VTI1A: variants seen among roughly 807,000 people sequenced by gnomAD.
VTI1A encodes vesicle transport through interaction with t-SNAREs 1A, also known as vesicle transport through interaction with t-SNAREs homolog 1A.
Under a neutral mutation model 34.9 loss-of-function variants are expected in VTI1A, and 22 were observed. The ratio of observed to expected loss-of-function variants is 0.63; its 90% CI spans 0.45 to 0.90. The LOEUF is 0.90. Ranked by LOEUF, VTI1A falls within the 40% of genes least tolerant of loss-of-function variation. The pLI, the probability that VTI1A is intolerant of heterozygous loss-of-function variation, is 0.00. For synonymous variants in VTI1A, 87 were observed against 97.3 expected (o/e 0.89, Z 0.62); for missense variants, 268 against 275.6 (o/e 0.97, Z 0.20).
At chr10:112,475,074 A>T (rs1269601709) in intron 3 of VTI1A, among the ~76,000 whole-genome samples, 1 of 152,192 alleles carries the variant, frequency 6.6e-6, no homozygotes, top group Non-Finnish European at 1.5e-5. Context: ...CCTTCTCATC[A>T]TGTACACTTG....
At chr10:112,547,996 T>A (rs1313045536) in intron 5 of VTI1A, among the ~76,000 whole-genome samples, 1 of 152,222 alleles carries the variant, frequency 6.6e-6, no homozygotes, top group Non-Finnish European at 1.5e-5. Context: ...AGCTAAAATG[T>A]GCTTCATGTT....
At chr10:112,746,009 C>T (rs1361828181) in intron 7 of VTI1A, among the ~76,000 whole-genome samples, 3 of 152,184 alleles carry the variant, frequency 2.0e-5, no homozygotes, top group Non-Finnish European at 4.4e-5. Flanking sequence ...CCTTCCCTAT[C>T]CCACCTTAGT....
chr10:112,846,889 A>T, the VTI1A span, among the ~76,000 whole-genome samples: 6 of 152,244 alleles, frequency 3.9e-5, no homozygotes, highest in African/African-American at 1.4e-4. Context: ...AGAAAGTCTA[A>T]CTTGGAAGAG....
At chr10:112,669,396 C>T (rs575180368) in intron 7 of VTI1A, among the ~76,000 whole-genome samples, 1 of 152,050 alleles carries the variant, frequency 6.6e-6, no homozygotes, top group African/African-American at 2.4e-5. Context: ...CTCTCTGTTG[C>T]CTTGTTTTCA....
At chr10:112,676,055 T>C (rs1848015204) in intron 7 of VTI1A, among the ~76,000 whole-genome samples, 1 of 152,142 alleles carries the variant, frequency 6.6e-6, no homozygotes, top group Non-Finnish European at 1.5e-5. Context: ...TCGTCATCGG[T>C]TTTAAAAGAA....
intron 7 of VTI1A, among the ~76,000 whole-genome samples, chr10:112,760,889 CAAAAAAAAAAA>C (rs10592117): frequency 2.1e-5 from 2 of 94,264 alleles, no homozygotes; most frequent in Admixed American, 1.1e-4. Context: ...ACTCCATCTC[CAAAAAAAAAAA>C]AAAAAAAACC....
At chr10:112,533,800 C>CG (rs1850530259) in intron 4 of VTI1A, among the ~76,000 whole-genome samples, 1 of 150,392 alleles carries the variant, frequency 6.6e-6, no homozygotes, top group South Asian at 2.1e-4. Flanking sequence ...CTTTAAAGGC[C>CG]AAAAAAAAGG....
chr10:112,581,040 C>T (rs1047081768), intron 5 of VTI1A, among the ~76,000 whole-genome samples: 4 of 152,050 alleles, frequency 2.6e-5, no homozygotes, highest in Non-Finnish European at 5.9e-5. Flanking sequence ...CCACATGCAC[C>T]CTGCATAGTT....
chr10:112,830,019 C>T, the VTI1A span, among the ~76,000 whole-genome samples: 1 of 152,158 alleles, frequency 6.6e-6, no homozygotes, highest in African/African-American at 2.4e-5. Flanking sequence ...AATAACTCAC[C>T]TGTGCTCTCC....
Position 112,464,336 on chromosome 10 carries a change from G to A in VTI1A, c.154-211G>A, listed in dbSNP as rs567645101. Among the ~76,000 whole-genome samples, 5 of 152,342 alleles carry A rather than the reference G, an allele frequency of 3.3e-5. No individual in the cohort carries two copies. In the East Asian group the frequency reaches 9.6e-4, roughly 29 times the overall value. ...TTAACAAAGCATGTACTTGAGCACA[G>A]TGTGTGTCACTTGGCAAGTACTCAG... On this transcript the variant is annotated intron_variant, in intron 2 of 7. Transcript: ENST00000393077.
At chr10:112,771,031 CGGGATTCCCCA>C (rs1340118887) in intron 7 of VTI1A, among the ~76,000 whole-genome samples, 1 of 152,012 alleles carries the variant, frequency 6.6e-6, no homozygotes, top group Non-Finnish European at 1.5e-5. Flanking sequence ...GAGAAGACTT[CGGGATTCCCCA>C]GGACCCAAGG....
At chr10:112,644,573 G>C (rs1165241134) in intron 5 of VTI1A, among the ~76,000 whole-genome samples, 1 of 152,186 alleles carries the variant, frequency 6.6e-6, no homozygotes, top group Non-Finnish European at 1.5e-5. Flanking sequence ...GTTTGAAAAA[G>C]AAGAGGAGAG....
chr10:112,656,387 CTT>C (rs71489977), intron 5 of VTI1A, among the ~76,000 whole-genome samples: 53,879 of 133,116 alleles, frequency 0.4, 11,060 homozygotes, highest in East Asian at 0.61. Flanking sequence ...CTTCCCAAAC[CTT>C]TTTTTTTTTT....
chr10:112,536,068 C>T (rs983332517), intron 4 of VTI1A, among the ~76,000 whole-genome samples: 2 of 152,008 alleles, frequency 1.3e-5, no homozygotes, highest in Admixed American at 6.5e-5. Context: ...CATGAAATCC[C>T]CCTAGTTATT....
At chr10:112,829,836 A>G in the VTI1A span, among the ~76,000 whole-genome samples, 83 of 152,372 alleles carry the variant, frequency 5.4e-4, no homozygotes, top group Non-Finnish European at 1.0e-3. Context: ...ATGCTTTTAA[A>G]TGAACTCATA....
chr10:112,779,649 G>A (rs1852055502), intron 7 of VTI1A, among the ~76,000 whole-genome samples: 1 of 152,128 alleles, frequency 6.6e-6, no homozygotes, highest in South Asian at 2.1e-4. Flanking sequence ...GACCATCTCG[G>A]TACAAAGTTT....
intron 7 of VTI1A, among the ~76,000 whole-genome samples, chr10:112,769,751 C>A (rs375833576): frequency 6.6e-6 from 1 of 152,186 alleles, no homozygotes; most frequent in East Asian, 1.9e-4. Context: ...TTTTACCTTC[C>A]TGTTGCAACA....
intron 2 of VTI1A, among the ~76,000 whole-genome samples, chr10:112,462,630 A>G (rs1347220257): frequency 1.3e-5 from 2 of 152,192 alleles, no homozygotes; most frequent in African/African-American, 2.4e-5. Context: ...CATTTAAACT[A>G]TCACTGTTTA....
intron 5 of VTI1A, among the ~76,000 whole-genome samples, chr10:112,660,558 A>G (rs1295486910): frequency 1.3e-5 from 2 of 152,228 alleles, no homozygotes; most frequent in Admixed American, 1.3e-4. Flanking sequence ...CTTAAAGACA[A>G]AGGAATTTGG....
Sources: gnomAD v4.1 joint callset for allele counts (sites outside exome capture counted in the v4.1 genomes callset) on GRCh38, gnomAD v4.1.1 for gene constraint, MANE v1.5 for transcripts, NCBI Gene and HGNC (gene_info 2026-07-23, HGNC 2026-07-21) for gene names.